The following FHOD3 variants were observed in gnomAD, a reference collection of about 807,000 sequenced individuals.
The protein encoded by FHOD3 is formin homology 2 domain containing 3.
FHOD3 carries 90 observed loss-of-function variants against 173.0 expected under a neutral mutation model. The observed-to-expected ratio is 0.52, with a 90% CI of 0.44 to 0.62. FHOD3 has a LOEUF of 0.62. FHOD3 is among the 20% of genes least tolerant of loss of function. FHOD3 has a pLI of 0.00. For missense variants in FHOD3, 1,945 were observed against 2,034.7 expected (o/e 0.96, Z 0.85); for synonymous variants, 828 against 823.0 (o/e 1.01, Z -0.10).
At chr18:36,349,101 A>G (rs1409673797) in intron 1 of FHOD3, among the ~76,000 whole-genome samples, 1 of 152,142 alleles carries the variant, frequency 6.6e-6, no homozygotes, top group Non-Finnish European at 1.5e-5. Context: ...TCATGTGTCT[A>G]TCATGTGGGT....
chr18:36,367,105 G>T (rs1233413896), intron 2 of FHOD3, among the ~76,000 whole-genome samples: 1 of 152,214 alleles, frequency 6.6e-6, no homozygotes. Flanking sequence ...GCAGGTTTCT[G>T]TGAACCTTAG....
rs200049796 is a variant in FHOD3, at chr18:36,744,230, G to A, written c.4041+37G>A. On this transcript the variant is annotated intron_variant, in intron 23 of 28. Transcript: ENST00000590592. ...GACGCTGAGGAGTGGGCCTGGTCTCGCTGCAGCCACGGGATCTTTATCGGT... is the reference window on the plus strand; with the variant it reads ...GACGCTGAGGAGTGGGCCTGGTCTCACTGCAGCCACGGGATCTTTATCGGT... 41 of 1,582,158 alleles carry A rather than the reference G, an allele frequency of 2.6e-5. No homozygotes were observed. In the East Asian group the frequency reaches 4.3e-4, roughly 17 times the overall value.
intron 3 of FHOD3, among the ~76,000 whole-genome samples, chr18:36,425,837 A>T (rs1198180468): frequency 1.3e-5 from 2 of 152,130 alleles, no homozygotes; most frequent in Non-Finnish European, 2.9e-5. Context: ...ACATAGACAC[A>T]TACTTATATG....
At chr18:36,352,568 C>T (rs1295832565) in intron 1 of FHOD3, among the ~76,000 whole-genome samples, 2 of 152,184 alleles carry the variant, frequency 1.3e-5, no homozygotes, top group African/African-American at 4.8e-5. Context: ...TGCTTGGCTT[C>T]TCTCCAGACA....
At chr18:36,438,145 A>G (rs1310906827) in intron 3 of FHOD3, among the ~76,000 whole-genome samples, 1 of 152,110 alleles carries the variant, frequency 6.6e-6, no homozygotes, top group Non-Finnish European at 1.5e-5. Flanking sequence ...ACTTGACAAT[A>G]GAGGGTATTA....
At chr18:36,476,587 T>C (rs570232955) in intron 3 of FHOD3, among the ~76,000 whole-genome samples, 2 of 152,348 alleles carry the variant, frequency 1.3e-5, no homozygotes, top group South Asian at 4.1e-4. Flanking sequence ...GTGCTCATTA[T>C]GTTGAAGTCA....
intron 11 of FHOD3, among the ~76,000 whole-genome samples, chr18:36,651,693 C>T (rs139087927): frequency 1.3e-5 from 2 of 151,190 alleles, no homozygotes; most frequent in South Asian, 2.1e-4. Flanking sequence ...CAAAGGTTGC[C>T]GTGAGCCAAG....
intron 4 of FHOD3, among the ~76,000 whole-genome samples, chr18:36,509,611 G>T (rs1287671003): frequency 6.6e-6 from 1 of 152,090 alleles, no homozygotes; most frequent in Non-Finnish European, 1.5e-5. Flanking sequence ...TGATGTATGG[G>T]ACTCGCTTCA....
chr18:36,573,060 GGGT>G (rs990826670), intron 5 of FHOD3, among the ~76,000 whole-genome samples: 1 of 151,924 alleles, frequency 6.6e-6, no homozygotes, highest in Admixed American at 6.6e-5. Context: ...AGGAGGGTGG[GGGT>G]GGTGGTGGTA....
At chr18:36,679,909 G>T (rs1446552241) in intron 14 of FHOD3, among the ~76,000 whole-genome samples, 1 of 152,044 alleles carries the variant, frequency 6.6e-6, no homozygotes, top group Non-Finnish European at 1.5e-5. Context: ...TATTAATTGG[G>T]TTAAACAAAT....
At chr18:36,732,599 G>A (rs542757058) in intron 20 of FHOD3, among the ~76,000 whole-genome samples, 16 of 152,184 alleles carry the variant, frequency 1.1e-4, no homozygotes, top group East Asian at 1.9e-4. Flanking sequence ...GGGCCCACTC[G>A]AATCCAGGAA....
chr18:36,690,784 T>A (rs572004159), intron 16 of FHOD3, among the ~76,000 whole-genome samples: 27 of 152,208 alleles, frequency 1.8e-4, no homozygotes, highest in Admixed American at 7.8e-4. Context: ...AAATTGACCA[T>A]CTTAACCATT....
At chr18:36,530,987 G>A (rs112313445) in intron 5 of FHOD3, among the ~76,000 whole-genome samples, 1,890 of 152,282 alleles carry the variant, frequency 0.012, 42 homozygotes, top group African/African-American at 0.042. Context: ...GTCCCCAAGG[G>A]TCTTGCCTCT....
rs2040136990 is a variant in FHOD3, at chr18:36,710,918, A to G, written c.2533+1527A>G. Reference sequence around the variant, plus strand: ...AGAATTATTAATCATAACTGGGTTTAGCAGGCCTAAAACATATCAAGAAAT... The same window carrying G: ...AGAATTATTAATCATAACTGGGTTTGGCAGGCCTAAAACATATCAAGAAAT... On this transcript the variant is annotated intron_variant, in intron 18 of 28. Coordinates refer to ENST00000590592, the MANE Select transcript of FHOD3 (RefSeq NM_001281740.3). The G allele has an allele frequency of 2.6e-5, 4 of 152,236 alleles. No homozygotes were observed. The South Asian group carries it at 8.3e-4, about 32-fold the overall frequency. The allele number at this position is 152,236 out of a possible 1,614,324, so 9.4% of individuals were successfully genotyped here.
intron 3 of FHOD3, among the ~76,000 whole-genome samples, chr18:36,380,463 T>C (rs1173178974): frequency 2.6e-4 from 37 of 141,484 alleles, no homozygotes; most frequent in African/African-American, 8.8e-4. Context: ...CTCACTCCCT[T>C]CCTCCCTTCA....
At chr18:36,349,887 T>C (rs955626695) in intron 1 of FHOD3, among the ~76,000 whole-genome samples, 5 of 152,108 alleles carry the variant, frequency 3.3e-5, no homozygotes, top group African/African-American at 1.2e-4. Context: ...TGCCTGAGCC[T>C]CCTGAGTAGC....
At chr18:36,565,822 C>T (rs2058243293) in intron 5 of FHOD3, among the ~76,000 whole-genome samples, 1 of 152,284 alleles carries the variant, frequency 6.6e-6, no homozygotes, top group East Asian at 1.9e-4. Flanking sequence ...AGGAATCTTG[C>T]GTTTCATGGT....
At chr18:36,366,212 C>T (rs1347848594) in intron 2 of FHOD3, among the ~76,000 whole-genome samples, 4 of 151,910 alleles carry the variant, frequency 2.6e-5, no homozygotes, top group African/African-American at 7.3e-5. Context: ...TTATTATTGT[C>T]GATTCTTGAA....
chr18:36,696,034 G>A (rs958178066), intron 17 of FHOD3, among the ~76,000 whole-genome samples: 2 of 152,122 alleles, frequency 1.3e-5, no homozygotes, highest in Non-Finnish European at 2.9e-5. Flanking sequence ...TATCCTTGTG[G>A]GAACATGCAA....
Sources: gnomAD v4.1 joint callset for allele counts (sites outside exome capture counted in the v4.1 genomes callset) on GRCh38, gnomAD v4.1.1 for gene constraint, MANE v1.5 for transcripts, NCBI Gene and HGNC (gene_info 2026-07-23, HGNC 2026-07-21) for gene names.